Variants in EIF2AK4 observed in about 807,000 individuals in gnomAD.
The protein encoded by EIF2AK4 is eIF-2-alpha kinase GCN2.
Under a neutral mutation model 211.1 loss-of-function variants are expected in EIF2AK4, and 139 were observed. The ratio of observed to expected loss-of-function variants is 0.66; its 90% CI spans 0.57 to 0.76. The LOEUF is 0.76. Ranked by LOEUF, EIF2AK4 falls within the 30% of genes least tolerant of loss-of-function variation. EIF2AK4 has a pLI of 0.00. For synonymous variants in EIF2AK4, 710 were observed against 751.3 expected, an observed-to-expected ratio of 0.94 and a Z score of 0.90; for missense variants, 1,664 against 2,043.8, an observed-to-expected ratio of 0.81 and a Z score of 3.58.
Position 40,003,184 on chromosome 15 carries a change from T to G in EIF2AK4, c.3236-9T>G. 1 of 1,612,522 alleles carries G rather than the reference T, an allele frequency of 6.2e-7. No homozygotes were observed. The highest frequency in any genetic ancestry group is 8.5e-7 in the Non-Finnish European group (1 of 1,179,408). On this transcript the variant is annotated splice_polypyrimidine_tract_variant and intron_variant, in intron 22 of 38. Coordinates refer to ENST00000263791, the MANE Select transcript of EIF2AK4 (RefSeq NM_001013703.4). ...CTGATGATGAGCTATTTTTTCTCAT[T>G]TGGTGTAGGAGCTGTTCAGTTGTGT...
chr15:40,022,924 G>A (rs922590172), intron 32 of EIF2AK4, among the ~76,000 whole-genome samples: 3 of 152,060 alleles, frequency 2.0e-5, no homozygotes, highest in South Asian at 2.1e-4. Context: ...TAGTGGAGAC[G>A]GGGTTTCACC....
rs755287555 is a variant in EIF2AK4, at chr15:39,965,682, G to T, written c.860-4G>T. The T allele has an allele frequency of 1.2e-6, 2 of 1,613,438 alleles. No homozygotes were observed. The highest frequency in any genetic ancestry group is 1.7e-6 in the Non-Finnish European group (2 of 1,179,744). On this transcript the variant is annotated splice_region_variant and splice_polypyrimidine_tract_variant and intron_variant, in intron 7 of 38. Coordinates refer to ENST00000263791, the MANE Select transcript of EIF2AK4 (RefSeq NM_001013703.4). ...TTTAATTACACTTTCTGTTTAATGT[G>T]CAGGCAGTGATGAACAACTTGGAAA...
chr15:39,951,612 T>C lies in EIF2AK4; in HGVS notation c.514-2292T>C, dbSNP rs765383036. The C allele has an allele frequency of 3.1e-4, 81 of 262,136 alleles. 1 individual carries two copies. Among genetic ancestry groups the C allele is most frequent in the Non-Finnish European group, 5.5e-4 (70 of 127,748 alleles). The allele number at this position is 262,136 out of a possible 1,614,324, so 16.2% of individuals were successfully genotyped here. A position where few individuals can be genotyped will look rare whatever the true frequency, so the allele number is the denominator to read the frequency against. ...TTTGCAAATCAGTTCAGTGGACTTGTGGTAACGTCTAATTTCACAGAATGC... is the reference window on the plus strand; with the variant it reads ...TTTGCAAATCAGTTCAGTGGACTTGCGGTAACGTCTAATTTCACAGAATGC... On this transcript the variant is annotated intron_variant, in intron 4 of 38. Transcript: ENST00000263791.
chr15:39,951,132 G>T (rs1467171029), intron 4 of EIF2AK4, among the ~76,000 whole-genome samples: 1 of 152,144 alleles, frequency 6.6e-6, no homozygotes, highest in Non-Finnish European at 1.5e-5. Context: ...AATAATAAGA[G>T]AATTTTTTGC....
At chr15:39,944,432 C>CTTTTTT (rs55669603) in intron 3 of EIF2AK4, among the ~76,000 whole-genome samples, 18,345 of 120,256 alleles carry the variant, frequency 0.15, 1,935 homozygotes, top group South Asian at 0.33. Flanking sequence ...TTAACGATCT[C>CTTTTTT]TTTTTTTTTT....
At position 40,019,100 on chromosome 15, in the gene EIF2AK4, A is replaced by T; in HGVS notation, c.4073A>T (p.Gln1358Leu). 1 of 1,604,298 alleles carries T rather than the reference A, an allele frequency of 6.2e-7. No homozygotes were observed. Among genetic ancestry groups the T allele is most frequent in the Non-Finnish European group, 8.5e-7 (1 of 1,175,122 alleles). ...AGGRYDLLIP[Q>L]FRGPQALGPV... ...GTTTGTGTCTCTCCACAGATTCCCC[A>T]GTTTAGAGGGCCACAAGCTCTGGGG... The change falls in exon 30 of 39, where the codon CAG becomes CTG. Residue 1358 changes from glutamine to leucine, a missense_variant. Around this residue, in one of 7 missense-constraint regions of EIF2AK4, gnomAD observed 622 missense variants for 796.8 expected, o/e 0.78. Transcript: ENST00000263791.
chr15:39,982,731 G>A (rs1260503297), intron 13 of EIF2AK4, among the ~76,000 whole-genome samples: 1 of 151,620 alleles, frequency 6.6e-6, no homozygotes, highest in Non-Finnish European at 1.5e-5. Context: ...CCCAATGTGT[G>A]ATGTTCCCCT....
intron 4 of EIF2AK4, among the ~76,000 whole-genome samples, chr15:39,950,413 C>T (rs138001772): frequency 1.8e-3 from 270 of 151,746 alleles, no homozygotes; most frequent in African/African-American, 6.3e-3. Context: ...GCCAACATGG[C>T]GAAACTCTGT....
At chr15:39,941,977 AC>A (rs1279641979) in intron 2 of EIF2AK4, among the ~76,000 whole-genome samples, 1 of 152,258 alleles carries the variant, frequency 6.6e-6, no homozygotes, top group Admixed American at 6.5e-5. Flanking sequence ...TAAAAAGCAA[AC>A]ATTATAATAT....
At chr15:39,948,184 A>G (rs1236111052) in intron 3 of EIF2AK4, among the ~76,000 whole-genome samples, 1 of 152,214 alleles carries the variant, frequency 6.6e-6, no homozygotes, top group Non-Finnish European at 1.5e-5. Flanking sequence ...CAGGATACCA[A>G]ATGAACTAAC....
chr15:39,934,406 CGGACACTTCCAGAT>C (rs931043933), intron 1 of EIF2AK4, 67 bp downstream of exon 1: 1 of 1,525,342 alleles, frequency 6.6e-7, no homozygotes, highest in African/African-American at 1.4e-5. Flanking sequence ...GGCCAAAGCC[CGGACACTTCCAGAT>C]TGGGCCGCCG....
chr15:39,945,250 G>C, intron 3 of EIF2AK4, among the ~76,000 whole-genome samples: 1 of 151,866 alleles, frequency 6.6e-6, no homozygotes, highest in Admixed American at 6.6e-5. Context: ...AAAGTGCTAG[G>C]ATTACAGGCC....
In EIF2AK4 at chr15:40,016,639, T is replaced by C. The variant is rs186392666; in HGVS notation, c.3897T>C (p.Val1299=). 177 of 1,614,222 alleles carry C rather than the reference T, an allele frequency of 1.1e-4. No homozygotes were observed. In the African/African-American group the frequency reaches 2.2e-3, roughly 20 times the overall value. Residue 1299 remains valine, a synonymous_variant, in exon 28 of 39, where the codon GTT becomes GTC. Coordinates refer to ENST00000263791, the MANE Select transcript of EIF2AK4 (RefSeq NM_001013703.4). The part of the protein sequence containing the change: ...KYGLKDLEEV[V]GLLKKLGIKL... ...GCTTAAAAGACCTAGAGGAGGTTGT[T>C]GGACTGTTGAAGAAACTCGGCATCA...
intron 8 of EIF2AK4, among the ~76,000 whole-genome samples, chr15:39,966,238 G>A (rs2034541721): frequency 6.6e-6 from 1 of 152,152 alleles, no homozygotes; most frequent in South Asian, 2.1e-4. Context: ...GGGAGGCCAA[G>A]GTAGGAGGAC....
chr15:39,955,913 A>C, intron 6 of EIF2AK4, 145 bp downstream of exon 6: 1 of 727,104 alleles, frequency 1.4e-6, no homozygotes, highest in Non-Finnish European at 2.0e-6. Flanking sequence ...TATATTAGCA[A>C]TATATTAGGT....
At chr15:39,955,505 A>T in intron 5 of EIF2AK4, 115 bp from the exon 6 acceptor site, 1 of 1,029,348 alleles carries the variant, frequency 9.7e-7, no homozygotes, top group East Asian at 2.8e-5. Flanking sequence ...ATTTTATTTC[A>T]CTTGTAAACA....
chr15:39,950,582 C>CT (rs1450407799), intron 4 of EIF2AK4, among the ~76,000 whole-genome samples: 1 of 143,334 alleles, frequency 7.0e-6, no homozygotes, highest in Non-Finnish European at 1.5e-5. Flanking sequence ...CAACTAGACT[C>CT]TGTCTTCAAA....
chr15:39,957,084 A>T (rs1452454452), intron 6 of EIF2AK4, among the ~76,000 whole-genome samples: 3 of 152,262 alleles, frequency 2.0e-5, no homozygotes, highest in Admixed American at 2.0e-4. Flanking sequence ...AATAAGCAAC[A>T]GAGTTTGAAG....
intron 2 of EIF2AK4, among the ~76,000 whole-genome samples, chr15:39,942,446 G>T (rs1240727513): frequency 6.6e-6 from 1 of 152,146 alleles, no homozygotes; most frequent in Non-Finnish European, 1.5e-5. Flanking sequence ...AATAGATAAT[G>T]ATCATAGCAC....
Sources: allele counts gnomAD v4.1 joint callset (sites outside exome capture counted in the v4.1 genomes callset), GRCh38; gene constraint gnomAD v4.1.1; regional missense constraint gnomAD v4.1.1; transcripts MANE v1.5; gene names NCBI Gene and HGNC (gene_info 2026-07-23, HGNC 2026-07-21).